The following CCDC146 variants were observed in gnomAD, a reference collection of about 807,000 sequenced individuals.
The protein encoded by CCDC146 is coiled-coil domain-containing protein 146.
In CCDC146, 92 loss-of-function variants were observed where a neutral mutation model predicts 119.3. The ratio of observed to expected loss-of-function variants is 0.77; its 90% CI spans 0.65 to 0.92. CCDC146 has a LOEUF of 0.92. CCDC146 is among the 40% of genes least tolerant of loss of function. The pLI is 0.00. For missense variants in CCDC146, 1,000 were observed against 1,103.0 expected, an observed-to-expected ratio of 0.91 and a Z score of 1.32; for synonymous variants, 372 against 371.8, an observed-to-expected ratio of 1.00 and a Z score of -0.01.
At chr7:77,147,850 G>A (rs1405896070) in intron 1 of CCDC146, among the ~76,000 whole-genome samples, 5 of 152,190 alleles carry the variant, frequency 3.3e-5, no homozygotes, top group East Asian at 1.9e-4. Flanking sequence ...TAGGCTACTC[G>A]GAGGTCAGGG....
At chr7:77,153,901 C>G (rs1314340959) in intron 1 of CCDC146, among the ~76,000 whole-genome samples, 2 of 151,968 alleles carry the variant, frequency 1.3e-5, no homozygotes, top group African/African-American at 4.8e-5. Context: ...CTGGAAACAA[C>G]CAAGATGCTT....
chr7:77,267,773 T>G (rs1247482488), intron 9 of CCDC146, among the ~76,000 whole-genome samples: 1 of 152,214 alleles, frequency 6.6e-6, no homozygotes, highest in Non-Finnish European at 1.5e-5. Context: ...TTTACACTTT[T>G]ATAGTTTTCG....
intron 17 of CCDC146, among the ~76,000 whole-genome samples, chr7:77,291,386 C>T (rs1380916342): frequency 1.3e-5 from 2 of 150,398 alleles, no homozygotes; most frequent in African/African-American, 4.9e-5. Context: ...TGTGTTAATG[C>T]TAAATAGCTG....
At chr7:77,204,738 A>G (rs1792052954) in intron 2 of CCDC146, among the ~76,000 whole-genome samples, 1 of 152,216 alleles carries the variant, frequency 6.6e-6, no homozygotes, top group South Asian at 2.1e-4. Context: ...CTCCACACCA[A>G]GCCAGGGATC....
chr7:77,241,066 AATCTC>A (rs1490765613), intron 3 of CCDC146, among the ~76,000 whole-genome samples: 1 of 54,792 alleles, frequency 1.8e-5, no homozygotes, highest in Non-Finnish European at 4.7e-5. Context: ...GCAGTGGCTC[AATCTC>A]GGCTGAGATG....
chr7:77,256,574 C>A, intron 6 of CCDC146, 65 bp downstream of exon 6: 5 of 1,296,308 alleles, frequency 3.9e-6, no homozygotes, highest in Non-Finnish European at 5.4e-6. Context: ...GTGTGGGTAT[C>A]AAGAGTAACC....
intron 11 of CCDC146, among the ~76,000 whole-genome samples, chr7:77,274,904 G>A (rs1048243863): frequency 6.6e-6 from 1 of 152,138 alleles, no homozygotes; most frequent in African/African-American, 2.4e-5. Context: ...GGGAGGGATA[G>A]CATTAGGAGA....
chr7:77,202,148 A>G (rs1381499702), intron 2 of CCDC146, among the ~76,000 whole-genome samples: 1 of 152,260 alleles, frequency 6.6e-6, no homozygotes, highest in Non-Finnish European at 1.5e-5. Context: ...GATATACTAT[A>G]TATTTATTCA....
rs1353741068 is a variant in CCDC146, at chr7:77,255,654, A to G, written c.508-679A>G. Among the ~76,000 whole-genome samples, 3 of 152,194 alleles carry G rather than the reference A, an allele frequency of 2.0e-5. No homozygotes were observed. The East Asian group carries it at 5.8e-4, about 29-fold the overall frequency. On this transcript the variant is annotated intron_variant, in intron 5 of 18. Transcript: ENST00000285871. ...TATGCAGAAAGCCCAGGGCAGGCTA[A>G]ATAGACCCAGCACTTCGTCATTAGT...
intron 2 of CCDC146, among the ~76,000 whole-genome samples, chr7:77,214,003 ATGG>A (rs1208851178): frequency 6.6e-6 from 1 of 152,152 alleles, no homozygotes; most frequent in Non-Finnish European, 1.5e-5. Context: ...GCTGGGTCAA[ATGG>A]TGGTTCTATT....
At chr7:77,176,389 G>A (rs986685322) in intron 2 of CCDC146, among the ~76,000 whole-genome samples, 7 of 151,210 alleles carry the variant, frequency 4.6e-5, no homozygotes, top group Non-Finnish European at 4.4e-5. Context: ...TGTTAAGGAA[G>A]TATAAAATTC....
At chr7:77,178,949 T>G (rs1791540803) in intron 2 of CCDC146, among the ~76,000 whole-genome samples, 1 of 152,128 alleles carries the variant, frequency 6.6e-6, no homozygotes. Flanking sequence ...TGTATTAATA[T>G]ATAGGTAGAG....
intron 1 of CCDC146, among the ~76,000 whole-genome samples, chr7:77,127,022 GGA>G (rs1249780694): frequency 6.6e-6 from 1 of 152,140 alleles, no homozygotes; most frequent in Non-Finnish European, 1.5e-5. Context: ...GCCAGCTCCA[GGA>G]GAGGAGAGAG....
At chr7:77,199,876 T>G in intron 2 of CCDC146, 2 of 1,491,218 alleles carry the variant, frequency 1.3e-6, no homozygotes, top group East Asian at 2.3e-5. Context: ...TCAGGCTTTC[T>G]GTGTTCCCAG....
intron 8 of CCDC146, among the ~76,000 whole-genome samples, chr7:77,260,902 A>G (rs1793283397): frequency 6.6e-6 from 1 of 152,068 alleles, no homozygotes; most frequent in Non-Finnish European, 1.5e-5. Flanking sequence ...TGCTGGGATT[A>G]CAGGCATGAG....
chr7:77,162,412 A>G (rs1417829004), intron 1 of CCDC146, among the ~76,000 whole-genome samples: 1 of 152,196 alleles, frequency 6.6e-6, no homozygotes, highest in Non-Finnish European at 1.5e-5. Flanking sequence ...TATGTTGTGC[A>G]TTCTTGACAT....
At chr7:77,185,131 C>G (rs1791644540) in intron 2 of CCDC146, among the ~76,000 whole-genome samples, 1 of 151,986 alleles carries the variant, frequency 6.6e-6, no homozygotes, top group Non-Finnish European at 1.5e-5. Flanking sequence ...AGTATTGCCT[C>G]CTTATTCCAG....
chr7:77,184,382 G>C (rs1562825637), intron 2 of CCDC146, among the ~76,000 whole-genome samples: 1 of 152,128 alleles, frequency 6.6e-6, no homozygotes, highest in Non-Finnish European at 1.5e-5. Flanking sequence ...GAAAGTGTTG[G>C]TCTTTCCTAC....
At chr7:77,228,364 G>A (rs1377833151) in intron 2 of CCDC146, among the ~76,000 whole-genome samples, 1 of 152,114 alleles carries the variant, frequency 6.6e-6, no homozygotes, top group Non-Finnish European at 1.5e-5. Context: ...ATGTGTCCAT[G>A]TGTTTTCATC....
Sources: allele counts gnomAD v4.1 joint callset (sites outside exome capture counted in the v4.1 genomes callset), GRCh38; gene constraint gnomAD v4.1.1; transcripts MANE v1.5; gene names NCBI Gene and HGNC (gene_info 2026-07-23, HGNC 2026-07-21).